Variants in USP37 observed in about 807,000 individuals in gnomAD.
The protein encoded by USP37 is ubiquitin carboxyl-terminal hydrolase 37.
USP37 carries 27 observed loss-of-function variants against 124.0 expected under a neutral mutation model. The ratio of observed to expected loss-of-function variants is 0.22; its 90% CI spans 0.16 to 0.30. USP37 has a LOEUF of 0.30. Among genes scored for constraint, USP37 ranks in the 10% least tolerant of loss-of-function variants. USP37 has a pLI of 1.00. For missense variants in USP37, 889 were observed against 1,140.4 expected (o/e 0.78, Z 3.17); for synonymous variants, 365 against 388.0 (o/e 0.94, Z 0.70).
chr2:218,524,913 A>G (rs573310181), intron 10 of USP37, among the ~76,000 whole-genome samples: 1 of 152,338 alleles, frequency 6.6e-6, no homozygotes, highest in African/African-American at 2.4e-5. Flanking sequence ...CCCGGCCAGA[A>G]GGATGTTATT....
chr2:218,526,812 G>A (rs1198794183), intron 10 of USP37, among the ~76,000 whole-genome samples: 9 of 40,746 alleles, frequency 2.2e-4, no homozygotes, highest in East Asian at 1.2e-3. Context: ...TTTTTGGGAC[G>A]GAGTCTTGCT....
chr2:218,526,443 C>G (rs1057356640), intron 10 of USP37, among the ~76,000 whole-genome samples: 2 of 151,980 alleles, frequency 1.3e-5, no homozygotes, highest in African/African-American at 4.8e-5. Context: ...CCATGTTGCC[C>G]AGGCTGGTTC....
At chr2:218,535,127 A>T (rs568637314) in intron 8 of USP37, among the ~76,000 whole-genome samples, 1 of 151,268 alleles carries the variant, frequency 6.6e-6, no homozygotes, top group South Asian at 2.1e-4. Context: ...GCACTTTGGG[A>T]GGCTGAGGCG....
intron 15 of USP37, among the ~76,000 whole-genome samples, chr2:218,487,714 T>C (rs1691655889): frequency 6.6e-6 from 1 of 152,176 alleles, no homozygotes; most frequent in South Asian, 2.1e-4. Context: ...CCACTGCGCC[T>C]GGCCAACAAA....
chr2:218,505,254 A>G (rs1433700356), intron 11 of USP37, among the ~76,000 whole-genome samples: 2 of 152,092 alleles, frequency 1.3e-5, no homozygotes, highest in Admixed American at 1.3e-4. Context: ...CCTGAGCTCA[A>G]GTGATCTGCC....
intron 25 of USP37, among the ~76,000 whole-genome samples, chr2:218,455,277 A>G (rs1433639320): frequency 6.6e-6 from 1 of 152,206 alleles, no homozygotes; most frequent in Non-Finnish European, 1.5e-5. Flanking sequence ...CAGATCTTCT[A>G]GCTGATAAAA....
At chr2:218,548,222 G>C (rs985644251) in intron 6 of USP37, among the ~76,000 whole-genome samples, 2 of 151,964 alleles carry the variant, frequency 1.3e-5, no homozygotes, top group African/African-American at 4.8e-5. Flanking sequence ...GTTCTGTTAT[G>C]CAAATACAAA....
At chr2:218,463,226 ACACACTT>A in intron 22 of USP37, 73 bp downstream of exon 22, 1 of 661,646 alleles carries the variant, frequency 1.5e-6, no homozygotes, top group Non-Finnish European at 2.5e-6. Context: ...ACACACACAC[ACACACTT>A]TCTTTATATG....
chr2:218,567,606 G>C (rs1255162497), intron 1 of USP37, among the ~76,000 whole-genome samples: 1 of 152,154 alleles, frequency 6.6e-6, no homozygotes. Context: ...GAAATTTTGA[G>C]AGGAATACCC....
intron 20 of USP37, among the ~76,000 whole-genome samples, chr2:218,468,152 G>A (rs1690468315): frequency 6.6e-6 from 1 of 151,788 alleles, no homozygotes; most frequent in Non-Finnish European, 1.5e-5. Context: ...GCCTCCCAAA[G>A]TGCTGGGATT....
intron 11 of USP37, among the ~76,000 whole-genome samples, chr2:218,507,343 A>G (rs896720228): frequency 2.6e-5 from 4 of 151,502 alleles, no homozygotes; most frequent in Non-Finnish European, 5.9e-5. Context: ...TTTTTAGTAC[A>G]GACAGGGTTT....
At chr2:218,502,465 AT>A (rs982631486) in intron 11 of USP37, among the ~76,000 whole-genome samples, 1 of 152,150 alleles carries the variant, frequency 6.6e-6, no homozygotes, top group African/African-American at 2.4e-5. Context: ...TATATCAAAT[AT>A]AACTGGAATC....
At chr2:218,502,339 C>A (rs1299763680) in intron 11 of USP37, among the ~76,000 whole-genome samples, 1 of 152,050 alleles carries the variant, frequency 6.6e-6, no homozygotes, top group Non-Finnish European at 1.5e-5. Flanking sequence ...GAAAATTTCA[C>A]TTGATGCGAT....
intron 20 of USP37, among the ~76,000 whole-genome samples, chr2:218,472,236 T>A (rs833083): frequency 0.46 from 70,391 of 151,742 alleles, 19,477 homozygotes; most frequent in East Asian, 0.78. Flanking sequence ...TGGCACAGAA[T>A]CAATTCAATC....
intron 20 of USP37, among the ~76,000 whole-genome samples, chr2:218,474,011 A>G (rs1287181362): frequency 6.6e-6 from 1 of 152,194 alleles, no homozygotes; most frequent in Non-Finnish European, 1.5e-5. Flanking sequence ...GTAGTTGTGT[A>G]TCTAAATACA....
At chr2:218,457,311 C>A in intron 23 of USP37, 150 bp from the exon 24 acceptor site, 1 of 659,892 alleles carries the variant, frequency 1.5e-6, no homozygotes, top group Admixed American at 3.2e-5. Context: ...ACCCTTTGAC[C>A]CAAGAATTCC....
Position 218,547,031 on chromosome 2 carries a change from C to G in USP37, c.490G>C (p.Gly164Arg). The change falls in exon 7 of 26, where the codon GGT (glycine) becomes CGT (arginine). Residue 164 changes from glycine to arginine, a missense_variant. Around this residue, in one of 3 missense-constraint regions of USP37, gnomAD observed 374 missense variants for 386.0 expected, o/e 0.97. Coordinates refer to ENST00000258399, the MANE Select transcript of USP37 (RefSeq NM_020935.3). ...KDDIPFRKVL[G>R]NPGRGSIKTV... The stretch of plus-strand genomic sequence containing the variant: ...TTAATCGATCCTCTACCCGGATTAC[C>G]AAGAACTTTTCGAAATGGAATATCA... 1.2e-6 allele frequency: 2 copies of G among 1,611,744 alleles called. No individual in the cohort carries two copies. The highest frequency in any genetic ancestry group is 1.7e-6 in the Non-Finnish European group (2 of 1,179,504).
chr2:218,505,025 T>C (rs1416577591), intron 11 of USP37, among the ~76,000 whole-genome samples: 1 of 152,014 alleles, frequency 6.6e-6, no homozygotes, highest in Non-Finnish European at 1.5e-5. Context: ...GAAAAAAAAA[T>C]TTGGGGGGAA....
In USP37 at chr2:218,534,641, C is replaced by T; in HGVS notation, c.746G>A (p.Ser249Asn). The T allele has an allele frequency of 3.1e-6, 5 of 1,610,408 alleles. No individual in the cohort carries two copies. The highest frequency in any genetic ancestry group is 4.2e-6 in the Non-Finnish European group (5 of 1,178,238). Residue 249 changes from serine (S) to asparagine (N), a missense_variant, in exon 9 of 26, where the codon AGT becomes AAT. By Grantham distance (46) the Ser-to-Asn change is conservative. Around this residue, in one of 3 missense-constraint regions of USP37, gnomAD observed 374 missense variants for 386.0 expected, o/e 0.97. Transcript: ENST00000258399. ...YLTSSREKQLSLKQSEENRTS... is the reference protein window; with the variant it reads ...YLTSSREKQLNLKQSEENRTS... ...CCTATTCTCTTCTGACTGTTTCAAA[C>T]TCAGCTGCTTTTCTCTACTGCTGGT...
Sources: gnomAD v4.1 joint callset for allele counts (sites outside exome capture counted in the v4.1 genomes callset) on GRCh38, gnomAD v4.1.1 for gene constraint, gnomAD v4.1.1 regional missense constraint, MANE v1.5 for transcripts, NCBI Gene and HGNC (gene_info 2026-07-23, HGNC 2026-07-21) for gene names.